Variants in ABCA5 observed in about 807,000 individuals in gnomAD.
ABCA5 encodes ATP binding cassette subfamily A member 5, also known as cholesterol transporter ABCA5.
In ABCA5, 163 loss-of-function variants were observed where a neutral mutation model predicts 206.0. The observed-to-expected ratio is 0.79, with a 90% confidence interval of 0.70 to 0.90. The LOEUF is 0.90. ABCA5 is among the 40% of genes least tolerant of loss of function. The pLI is 0.00. For missense variants in ABCA5, 1,859 were observed against 1,912.9 expected, an observed-to-expected ratio of 0.97 and a Z score of 0.53; for synonymous variants, 609 against 613.8, an observed-to-expected ratio of 0.99 and a Z score of 0.11.
chr17:69,296,865 T>C (rs1451858816), intron 10 of ABCA5, among the ~76,000 whole-genome samples: 2 of 152,142 alleles, frequency 1.3e-5, no homozygotes, highest in African/African-American at 4.8e-5. Flanking sequence ...CTTGAGAGGT[T>C]GAGGCACAAG....
rs2074965022 is a variant in ABCA5 at position 69,247,571 on chromosome 17, C to T, written c.4895G>A (p.Trp1632Ter). 6.2e-7 allele frequency: 1 copy of T among 1,609,768 alleles called. No homozygotes were observed. The highest frequency in any genetic ancestry group is 8.5e-7 in the Non-Finnish European group (1 of 1,178,376). Residue 1632 changes from tryptophan to a stop codon, truncating the protein, a stop_gained, in exon 39 of 39, where the codon TGG (tryptophan) becomes TAG (stop). Transcript: ENST00000392676. LOFTEE classifies it high-confidence loss of function. ...SCGTLNSTLW[W>*]ERTQEDRVVF ...TACTCTATCTTCTTGTGTTCGTTCC[C>T]ACCAAAGTGTGCTGTTTAAAGTTCC... is the stretch of plus-strand genomic sequence containing the variant.
intron 18 of ABCA5, among the ~76,000 whole-genome samples, chr17:69,283,099 A>C (rs920349605): frequency 5.6e-4 from 81 of 143,902 alleles, no homozygotes; most frequent in African/African-American, 1.8e-3. Context: ...TGATTCTCCC[A>C]CCGCAGCCTC....
chr17:69,293,318 G>A (rs1415598425), intron 11 of ABCA5, among the ~76,000 whole-genome samples: 1 of 152,076 alleles, frequency 6.6e-6, no homozygotes, highest in African/African-American at 2.4e-5. Context: ...AGTTAAAGTT[G>A]CCATCTTGGG....
chr17:69,310,228 G>A (rs1278857212), intron 3 of ABCA5, among the ~76,000 whole-genome samples: 1 of 151,886 alleles, frequency 6.6e-6, no homozygotes, highest in Non-Finnish European at 1.5e-5. Context: ...CAAACTTCAG[G>A]GGTCAAGAGA....
At chr17:69,304,159 GATACAGGGTGGGC>G (rs1473766590) in intron 7 of ABCA5, 5 of 152,024 alleles carry the variant, frequency 3.3e-5, no homozygotes, top group African/African-American at 1.2e-4. Flanking sequence ...TTTAACAACT[GATACAGGGTGGGC>G]ACATAAACCA....
At chr17:69,279,470 C>T (rs750158571) in intron 18 of ABCA5, among the ~76,000 whole-genome samples, 6,419 of 151,754 alleles carry the variant, frequency 0.042, 183 homozygotes, top group Non-Finnish European at 0.066. Context: ...AGGTAATTTA[C>T]AGATTCAATG....
chr17:69,245,867 T>C lies in ABCA5; in HGVS notation c.*1670A>G, dbSNP rs1285233638. On this transcript the variant is annotated 3_prime_UTR_variant, in exon 39 of 39. Transcript: ENST00000392676. Reference sequence around the variant, plus strand: ...GCTCTATCTTCAGATGACATAACTTTCTTAGGATGGTCAGGTTCTAAAAAA... The same window carrying C: ...GCTCTATCTTCAGATGACATAACTTCCTTAGGATGGTCAGGTTCTAAAAAA... 1 of 151,996 alleles carries C rather than the reference T, an allele frequency of 6.6e-6. No individual in the cohort carries two copies. The highest frequency in any genetic ancestry group is 1.5e-5 in the Non-Finnish European group (1 of 67,842). 9.4% of individuals were successfully genotyped at this position (151,996 alleles called of 1,614,324 possible). A position where few individuals can be genotyped will look rare whatever the true frequency, so the allele number is the denominator to read the frequency against.
At chr17:69,303,803 T>C (rs867214493) in intron 7 of ABCA5, among the ~76,000 whole-genome samples, 3 of 7,112 alleles carry the variant, frequency 4.2e-4, no homozygotes, top group Non-Finnish European at 8.1e-3. Flanking sequence ...TATATATATA[T>C]ATATACATAC....
intron 9 of ABCA5, 58 bp downstream of exon 9, chr17:69,301,081 T>C (rs964861586): frequency 4.2e-6 from 6 of 1,439,370 alleles, no homozygotes; most frequent in Non-Finnish European, 5.5e-6. Context: ...AAGCTGACCC[T>C]ATGTGGGCAA....
intron 18 of ABCA5, 30 bp from the exon 19 acceptor site, chr17:69,277,872 G>A (rs763176921): frequency 1.4e-6 from 2 of 1,433,882 alleles, no homozygotes; most frequent in Admixed American, 2.6e-5. Context: ...AAACATTTCA[G>A]TATGTTCATT....
At position 69,277,944 on chromosome 17, in the gene ABCA5, T is replaced by C. The variant is rs2075352162; in HGVS notation, c.2393-102A>G. The C allele has an allele frequency of 6.6e-6, 5 of 759,866 alleles. No individual in the cohort carries two copies. The East Asian group carries it at 1.4e-4, about 22-fold the overall frequency. 47.1% of individuals were successfully genotyped at this position (759,866 alleles called of 1,614,324 possible). A position where few individuals can be genotyped will look rare whatever the true frequency, so the allele number is the denominator to read the frequency against. The stretch of plus-strand genomic sequence containing the variant: ...AAGAAGCATTGGTCTGGCAGTTATG[T>C]GGAACAAATGGAACTCTCTTATATT... On this transcript the variant is annotated intron_variant, in intron 18 of 38. Coordinates refer to ENST00000392676, the MANE Select transcript of ABCA5 (RefSeq NM_172232.4).
chr17:69,277,784 A>C lies in ABCA5; in HGVS notation c.2451T>G (p.Asp817Glu). 1 of 1,588,306 alleles carries C rather than the reference A, an allele frequency of 6.3e-7. No homozygotes were observed. The highest frequency in any genetic ancestry group is 8.5e-7 in the Non-Finnish European group (1 of 1,169,940). ...LEEEMDSKSF[D>E]EMEQSLLILS... ...GAATAAGTAAGCTCTGTTCCATTTC[A>C]TCAAAAGATTTTGAATCCATTTCTT... is the stretch of plus-strand genomic sequence containing the variant. Residue 817 changes from aspartate (D) to glutamate (E), a missense_variant, in exon 19 of 39, where the codon GAT (aspartate) becomes GAG (glutamate). By Grantham distance (45) the Asp-to-Glu change is conservative. Transcript: ENST00000392676.
At chr17:69,316,074 T>A (rs2075813367) in intron 1 of ABCA5, among the ~76,000 whole-genome samples, 1 of 151,706 alleles carries the variant, frequency 6.6e-6, no homozygotes. Context: ...ACTCATGGAG[T>A]GGCTCAAAAT....
rs142297280 is a variant in ABCA5 at position 69,325,512 on chromosome 17, A to G, written c.-16+1540T>C. Among the ~76,000 whole-genome samples the G allele has an allele frequency of 9.1e-4, 139 of 152,322 alleles. No individual in the cohort carries two copies. The Middle Eastern group carries it at 0.01, about 11-fold the overall frequency. On this transcript the variant is annotated intron_variant, in intron 1 of 38. Transcript: ENST00000392676. ...TTACATACTAGAAAAGTTATGACTT[A>G]GTACAATATCATAAAATTCTTTTAT...
Position 69,273,975 on chromosome 17 carries a change from A to C in ABCA5, c.2748T>G (p.Leu916=). The part of the protein sequence containing the change: ...DKPHKYKTSL[L]LQNSADSDIS... The stretch of plus-strand genomic sequence containing the variant: ...CACTCTCACCAGCAGAATTTTGAAG[A>C]AGCAGACTTGTTTTGTATTTATGTG... Residue 916 remains leucine (L), a synonymous_variant, in exon 20 of 39, where the codon CTT becomes CTG. Transcript: ENST00000392676. The C allele has an allele frequency of 1.2e-6, 2 of 1,603,844 alleles. No homozygotes were observed. The highest frequency in any genetic ancestry group is 1.7e-6 in the Non-Finnish European group (2 of 1,177,202).
intron 11 of ABCA5, among the ~76,000 whole-genome samples, chr17:69,293,159 C>G (rs938837373): frequency 1.6e-5 from 2 of 124,902 alleles, no homozygotes; most frequent in Admixed American, 1.6e-4. Flanking sequence ...CCAGAACCAA[C>G]AGAATACACA....
chr17:69,244,615 A>G lies in ABCA5; in HGVS notation c.*2922T>C, dbSNP rs1297467178. The G allele has an allele frequency of 6.6e-6, 1 of 151,740 alleles. No individual in the cohort carries two copies. The highest frequency in any genetic ancestry group is 1.9e-4 in the East Asian group (1 of 5,204). 9.4% of individuals were successfully genotyped at this position (151,740 alleles called of 1,614,324 possible). A position where few individuals can be genotyped will look rare whatever the true frequency, so the allele number is the denominator to read the frequency against. Reference sequence around the variant, plus strand: ...ATAAGCTATTTCAGGAAAGAAAATAAAAAATCAATGTTAGCAAATTAAAAA... The same window carrying G: ...ATAAGCTATTTCAGGAAAGAAAATAGAAAATCAATGTTAGCAAATTAAAAA... On this transcript the variant is annotated 3_prime_UTR_variant, in exon 39 of 39. Transcript: ENST00000392676.
In ABCA5 at chr17:69,259,836, T is replaced by C. The variant is rs563779767; in HGVS notation, c.3640-39A>G. On this transcript the variant is annotated intron_variant, in intron 27 of 38. Coordinates refer to ENST00000392676, the MANE Select transcript of ABCA5 (RefSeq NM_172232.4). ...ATGTAGCAGCTCATGACTAAAAGAT[T>C]TGTTGTTGTTGTTGTTGTTTTTTCC... 5.8e-5 allele frequency: 67 copies of C among 1,154,932 alleles called. No individual in the cohort carries two copies. In the South Asian group the frequency reaches 1.0e-3, roughly 17 times the overall value. The allele number at this position is 1,154,932 out of a possible 1,614,324, so 71.5% of individuals were successfully genotyped here. A position where few individuals can be genotyped will look rare whatever the true frequency, so the allele number is the denominator to read the frequency against.
Position 69,289,158 on chromosome 17 carries a change from A to G in ABCA5, c.1902+19T>C, listed in dbSNP as rs1391717309. 6.3e-7 allele frequency: 1 copy of G among 1,592,512 alleles called. No individual in the cohort carries two copies. Among genetic ancestry groups the G allele is most frequent in the Non-Finnish European group, 8.5e-7 (1 of 1,173,122 alleles). On this transcript the variant is annotated intron_variant, in intron 14 of 38. Transcript: ENST00000392676. ...CATAATTTAAAATGAGCTCATCTGT[A>G]AAAGTAATATTTATTTACCTTTGGG...
Sources: allele counts gnomAD v4.1 joint callset (sites outside exome capture counted in the v4.1 genomes callset), GRCh38; gene constraint gnomAD v4.1.1; transcripts MANE v1.5; gene names NCBI Gene and HGNC (gene_info 2026-07-23, HGNC 2026-07-21).